TCF12: variants seen among roughly 807,000 people sequenced by gnomAD.
TCF12 encodes the protein transcription factor 12, also known as DNA-binding protein HTF4.
TCF12 carries 45 observed loss-of-function variants against 86.0 expected under a neutral mutation model. The observed-to-expected ratio is 0.52, with a 90% CI of 0.41 to 0.67. TCF12 has a LOEUF of 0.67. Among genes scored for constraint, TCF12 ranks in the 30% least tolerant of loss-of-function variants. The probability of loss-of-function intolerance (pLI) is 0.00; values close to 1 mark genes in which losing one functional copy is unlikely to be tolerated. For synonymous variants in TCF12, 330 were observed against 299.6 expected, an observed-to-expected ratio of 1.10 and a Z score of -1.05; for missense variants, 881 against 859.9, an observed-to-expected ratio of 1.02 and a Z score of -0.31.
At chr15:57,269,758 C>T (rs958696977) in intron 18 of TCF12, among the ~76,000 whole-genome samples, 1 of 152,090 alleles carries the variant, frequency 6.6e-6, no homozygotes, top group Admixed American at 6.5e-5. Context: ...CTAGTGGTGA[C>T]GAAATCTCTC....
intron 3 of TCF12, among the ~76,000 whole-genome samples, chr15:56,989,453 A>G (rs2063340462): frequency 6.6e-6 from 1 of 152,178 alleles, no homozygotes; most frequent in South Asian, 2.1e-4. Context: ...CAAAACAAAA[A>G]AACCAGGCAG....
chr15:57,180,655 T>A (rs1259999049), intron 6 of TCF12, among the ~76,000 whole-genome samples: 3 of 49,060 alleles, frequency 6.1e-5, no homozygotes, highest in African/African-American at 1.4e-4. Context: ...TTCTGTAGAA[T>A]AATAACACAG....
chr15:57,270,818 G>T (rs1452996290), intron 18 of TCF12, among the ~76,000 whole-genome samples: 2 of 152,142 alleles, frequency 1.3e-5, no homozygotes. Flanking sequence ...TAACAGACCG[G>T]CCCCTCAGCT....
chr15:56,995,838 G>A lies in TCF12; in HGVS notation c.149-67912G>A, dbSNP rs558978723. Among the ~76,000 whole-genome samples the A allele has an allele frequency of 1.5e-4, 23 of 152,274 alleles. No individual in the cohort carries two copies. The South Asian group carries it at 4.6e-3, about 30-fold the overall frequency. On this transcript the variant is annotated intron_variant, in intron 3 of 20. Coordinates refer to ENST00000333725, the MANE Select transcript of TCF12 (RefSeq NM_207037.2). ...ACTTCCAGTACTACATTGAATAGAAGTGCTAAGAGAGGCATCCTTGTTCCA... is the reference window on the plus strand; with the variant it reads ...ACTTCCAGTACTACATTGAATAGAAATGCTAAGAGAGGCATCCTTGTTCCA...
At chr15:57,290,421 G>C (rs1390533800), downstream of TCF12, among the ~76,000 whole-genome samples, 1 of 152,074 alleles carries the variant, frequency 6.6e-6, no homozygotes, top group African/African-American at 2.4e-5. Context: ...TATCAGTTTG[G>C]GTTCTTAAGA....
chr15:57,075,788 T>TTCTCTCTCTCTCTCTCTCTC (rs2069860410), intron 4 of TCF12, among the ~76,000 whole-genome samples: 1 of 41,834 alleles, frequency 2.4e-5, no homozygotes, highest in Non-Finnish European at 4.4e-5. Context: ...CTTTCTTTCT[T>TTCTCTCTCTCTCTCTCTCTC]TCTTTCTTTC....
rs113762019 is a variant in TCF12, at chr15:57,191,650, C to G, written c.391-508C>G. Among the ~76,000 whole-genome samples the G allele has an allele frequency of 1.4e-4, 22 of 152,144 alleles. 4 individuals are homozygous for G. The highest frequency in any genetic ancestry group is 5.3e-4 in the African/African-American group (22 of 41,516). On this transcript the variant is annotated intron_variant, in intron 6 of 20. Transcript: ENST00000333725. The stretch of plus-strand genomic sequence containing the variant: ...ATCTACATAATTATTAAAAAGCAGA[C>G]AATGTGGCTGGGCGCAGTGGCTTAC...
chr15:57,063,924 T>C, intron 4 of TCF12, 101 bp downstream of exon 4: 1 of 999,438 alleles, frequency 1.0e-6, no homozygotes, highest in Admixed American at 2.1e-5. Context: ...ATTAATTTCT[T>C]TTCATGGAAA....
At chr15:57,024,115 A>G (rs1167993839) in intron 3 of TCF12, among the ~76,000 whole-genome samples, 1 of 152,162 alleles carries the variant, frequency 6.6e-6, no homozygotes, top group Non-Finnish European at 1.5e-5. Flanking sequence ...CCTGCTTTAA[A>G]GAAGCAAGAC....
chr15:56,973,366 G>A (rs1166883702), intron 3 of TCF12, among the ~76,000 whole-genome samples: 2 of 152,070 alleles, frequency 1.3e-5, no homozygotes, highest in Non-Finnish European at 2.9e-5. Flanking sequence ...GAATAATAGG[G>A]ATGAGCAAAA....
At chr15:57,011,721 C>T (rs558260281) in intron 3 of TCF12, among the ~76,000 whole-genome samples, 1 of 152,036 alleles carries the variant, frequency 6.6e-6, no homozygotes, top group Non-Finnish European at 1.5e-5. Flanking sequence ...AATTACAGGA[C>T]CCCCCAGTCT....
chr15:57,215,589 C>T (rs1347881427), intron 8 of TCF12, among the ~76,000 whole-genome samples: 1 of 152,090 alleles, frequency 6.6e-6, no homozygotes, highest in Admixed American at 6.6e-5. Context: ...TTTACTTTTC[C>T]AGCCAGATCT....
At chr15:57,285,975 T>A (rs2061918627) in intron 20 of TCF12, among the ~76,000 whole-genome samples, 182 bp from the exon 21 acceptor site, 1 of 152,126 alleles carries the variant, frequency 6.6e-6, no homozygotes, top group East Asian at 1.9e-4. Context: ...GTAAAACCAT[T>A]TCAGTATACC....
intron 19 of TCF12, among the ~76,000 whole-genome samples, chr15:57,273,700 T>C (rs2152101345): frequency 6.6e-6 from 1 of 152,300 alleles, no homozygotes; most frequent in Admixed American, 6.5e-5. Context: ...TAGGATGCCT[T>C]GTTATCATCC....
At chr15:57,189,996 A>G (rs758968261) in intron 6 of TCF12, among the ~76,000 whole-genome samples, 3 of 152,230 alleles carry the variant, frequency 2.0e-5, no homozygotes, top group Admixed American at 6.5e-5. Flanking sequence ...CACATATTGT[A>G]TGAGTCCAAT....
At chr15:57,016,059 C>A (rs1407909728) in intron 3 of TCF12, among the ~76,000 whole-genome samples, 1 of 152,144 alleles carries the variant, frequency 6.6e-6, no homozygotes, top group Non-Finnish European at 1.5e-5. Context: ...GGGGGAATTT[C>A]CTGGAGGGGC....
chr15:57,215,383 C>T (rs916787969), intron 8 of TCF12, among the ~76,000 whole-genome samples: 4 of 152,124 alleles, frequency 2.6e-5, no homozygotes, highest in Non-Finnish European at 4.4e-5. Context: ...TCACCCCTAC[C>T]TCCCTTGCAG....
At chr15:57,098,107 C>T (rs1423832397) in intron 5 of TCF12, among the ~76,000 whole-genome samples, 7 of 150,586 alleles carry the variant, frequency 4.6e-5, no homozygotes, top group Non-Finnish European at 7.4e-5. Flanking sequence ...ATTGCTTGAA[C>T]GCAGGAGACA....
chr15:57,200,254 TG>T (rs1220311740), intron 8 of TCF12, among the ~76,000 whole-genome samples: 4 of 152,016 alleles, frequency 2.6e-5, no homozygotes, highest in African/African-American at 9.7e-5. Context: ...TAGGATTAAC[TG>T]AAAAGATTTT....
Sources: allele counts gnomAD v4.1 joint callset (sites outside exome capture counted in the v4.1 genomes callset), GRCh38; gene constraint gnomAD v4.1.1; transcripts MANE v1.5; gene names NCBI Gene and HGNC (gene_info 2026-07-23, HGNC 2026-07-21).